Variants in BLZF1 observed in about 807,000 individuals in gnomAD.
BLZF1 encodes basic leucine zipper nuclear factor 1, also known as golgin-45.
A neutral mutation model predicts 43.8 loss-of-function variants in BLZF1; 39 were observed. That is an observed-to-expected ratio of 0.89 (90% confidence interval 0.69 to 1.16). The LOEUF (loss-of-function observed/expected upper bound fraction) is 1.16, where lower values mean the gene tolerates loss of function less well. Ranked by LOEUF, BLZF1 falls within the 50% of genes most tolerant of loss-of-function variation. The probability of loss-of-function intolerance (pLI) is 0.00; values close to 1 mark genes in which losing one functional copy is unlikely to be tolerated. For missense variants in BLZF1, 449 were observed against 469.8 expected, an observed-to-expected ratio of 0.96 and a Z score of 0.41; for synonymous variants, 136 against 159.4, an observed-to-expected ratio of 0.85 and a Z score of 1.11.
At chr1:169,385,363 T>C (rs1654637741) in intron 6 of BLZF1, among the ~76,000 whole-genome samples, 1 of 152,172 alleles carries the variant, frequency 6.6e-6, no homozygotes. Context: ...TCTGTTCTTA[T>C]GTCTGCTTAT....
chr1:169,377,818 A>G (rs1447872451), intron 3 of BLZF1, among the ~76,000 whole-genome samples: 2 of 152,006 alleles, frequency 1.3e-5, no homozygotes, highest in Non-Finnish European at 2.9e-5. Context: ...TAGCTATACC[A>G]TATACCAATA....
At chr1:169,386,186 AC>A (rs1654662031) in intron 6 of BLZF1, among the ~76,000 whole-genome samples, 1 of 152,220 alleles carries the variant, frequency 6.6e-6, no homozygotes, top group Non-Finnish European at 1.5e-5. Context: ...AACCCAGGAA[AC>A]AAAAAGTGGC....
At chr1:169,371,495 T>G (rs1654119738) in intron 2 of BLZF1, among the ~76,000 whole-genome samples, 1 of 152,370 alleles carries the variant, frequency 6.6e-6, no homozygotes, top group East Asian at 1.9e-4. Context: ...TGTCATCTGA[T>G]GTTAGTGAAC....
downstream of BLZF1, among the ~76,000 whole-genome samples, chr1:169,393,156 C>G (rs188695211): frequency 5.9e-5 from 9 of 152,128 alleles, no homozygotes; most frequent in Middle Eastern, 6.8e-3. Flanking sequence ...CTGCAGAGAA[C>G]GGGGAAATTG....
rs753114990 is a variant in BLZF1, at chr1:169,376,910, C to G, written c.399C>G (p.Leu133=). The G allele has an allele frequency of 1.2e-6, 2 of 1,613,186 alleles. No homozygotes were observed. The highest frequency in any genetic ancestry group is 1.7e-6 in the Non-Finnish European group (2 of 1,179,494). ...LSEVKNVLEK[L]KNSERRLLQD... ...AGGTAAAGAATGTATTGGAAAAGCTCAAGAATTCTGAAAGAAGGTTACTAC... is the reference window on the plus strand; with the variant it reads ...AGGTAAAGAATGTATTGGAAAAGCTGAAGAATTCTGAAAGAAGGTTACTAC... The change falls in exon 3 of 7, where the codon CTC becomes CTG. Residue 133 remains leucine, a synonymous_variant. Transcript: ENST00000367808.
At chr1:169,384,107 C>G (rs1654602996) in intron 6 of BLZF1, among the ~76,000 whole-genome samples, 2 of 152,010 alleles carry the variant, frequency 1.3e-5, no homozygotes, top group African/African-American at 4.8e-5. Flanking sequence ...CCCTAAAAAT[C>G]TCCTCCTTTT....
chr1:169,388,958 C>T (rs1654750296), downstream of BLZF1, among the ~76,000 whole-genome samples: 1 of 151,872 alleles, frequency 6.6e-6, no homozygotes, highest in African/African-American at 2.4e-5. Context: ...CCCGTCTCTA[C>T]TAAAAATACA....
intron 7 of BLZF1, among the ~76,000 whole-genome samples, chr1:169,395,538 T>C (rs1654972370): frequency 6.6e-6 from 1 of 152,216 alleles, no homozygotes; most frequent in Non-Finnish European, 1.5e-5. Flanking sequence ...ATTTGGTAGA[T>C]TCCAAATAAC....
At chr1:169,372,681 A>C (rs1360642080) in intron 2 of BLZF1, among the ~76,000 whole-genome samples, 3 of 152,160 alleles carry the variant, frequency 2.0e-5, no homozygotes, top group Non-Finnish European at 4.4e-5. Flanking sequence ...AAGTTATTTT[A>C]ACTCAGGCTC....
intron 2 of BLZF1, among the ~76,000 whole-genome samples, chr1:169,373,286 T>C (rs1557846040): frequency 6.6e-6 from 1 of 152,200 alleles, no homozygotes; most frequent in Non-Finnish European, 1.5e-5. Context: ...ATTTAAGGAT[T>C]GTTTTGTTGG....
chr1:169,379,244 A>G (rs371263180), intron 4 of BLZF1, among the ~76,000 whole-genome samples: 1 of 152,086 alleles, frequency 6.6e-6, no homozygotes, highest in African/African-American at 2.4e-5. Context: ...GAGATTTCTC[A>G]TAAAACAACC....
chr1:169,383,814 G>A (rs1461399954), intron 6 of BLZF1, among the ~76,000 whole-genome samples: 2 of 151,974 alleles, frequency 1.3e-5, no homozygotes, highest in Non-Finnish European at 2.9e-5. Flanking sequence ...CCATACTCTT[G>A]AAACGATTCA....
At chr1:169,388,450 C>T (rs1380441704), downstream of BLZF1, 2 of 152,016 alleles carry the variant, frequency 1.3e-5, no homozygotes, top group African/African-American at 4.8e-5. Context: ...GGGAAAGCTT[C>T]GTGACATTGT....
At chr1:169,386,246 C>T (rs1654663073) in intron 6 of BLZF1, among the ~76,000 whole-genome samples, 1 of 151,940 alleles carries the variant, frequency 6.6e-6, no homozygotes, top group African/African-American at 2.4e-5. Flanking sequence ...AAATGAAAAG[C>T]CATTGATACT....
In BLZF1 at chr1:169,387,494, T is replaced by A. The variant is rs924119950; in HGVS notation, c.*312T>A. 1 of 206,080 alleles carries A rather than the reference T, an allele frequency of 4.9e-6. No homozygotes were observed. Among genetic ancestry groups the A allele is most frequent in the African/African-American group, 2.3e-5 (1 of 42,720 alleles). 12.8% of individuals were successfully genotyped at this position (206,080 alleles called of 1,614,324 possible). ...TCTCTTTTAGCACCAAATTATTGTT[T>A]ATCTTGCTGGATATTTTATATGAAC... On this transcript the variant is annotated 3_prime_UTR_variant, in exon 7 of 7. Coordinates refer to ENST00000367808, the MANE Select transcript of BLZF1 (RefSeq NM_001320973.2).
At chr1:169,376,410 C>T (rs1174272403) in intron 2 of BLZF1, 130 bp from the exon 3 acceptor site, 2 of 771,544 alleles carry the variant, frequency 2.6e-6, no homozygotes, top group African/African-American at 1.8e-5. Context: ...TTGAAAATTA[C>T]TTTTTCTCTG....
chr1:169,373,682 A>G (rs900153650), intron 2 of BLZF1, among the ~76,000 whole-genome samples: 2 of 152,176 alleles, frequency 1.3e-5, no homozygotes, highest in African/African-American at 4.8e-5. Flanking sequence ...GGGTGGAAAC[A>G]AGTTGGTTGA....
intron 2 of BLZF1, among the ~76,000 whole-genome samples, chr1:169,370,056 A>G (rs1654057738): frequency 6.6e-6 from 1 of 152,010 alleles, no homozygotes; most frequent in African/African-American, 2.4e-5. Flanking sequence ...CATTAGAGAC[A>G]CTCTCCTAGC....
At chr1:169,388,412 C>T (rs1259625644), downstream of BLZF1, 1 of 152,014 alleles carries the variant, frequency 6.6e-6, no homozygotes, top group African/African-American at 2.4e-5. Flanking sequence ...GGTTTACTTA[C>T]TATAAAAGTC....
Sources: allele counts gnomAD v4.1 joint callset (sites outside exome capture counted in the v4.1 genomes callset), GRCh38; gene constraint gnomAD v4.1.1; transcripts MANE v1.5; gene names NCBI Gene and HGNC (gene_info 2026-07-23, HGNC 2026-07-21).